The following ARID5B variants were observed in gnomAD, a reference collection of about 807,000 sequenced individuals.
ARID5B encodes AT-rich interactive domain-containing protein 5B.
A neutral mutation model predicts 97.2 loss-of-function variants in ARID5B; 13 were observed. That is an observed-to-expected ratio of 0.13 (90% CI 0.09 to 0.21). The LOEUF is 0.21. Among genes scored for constraint, ARID5B ranks in the 10% least tolerant of loss-of-function variants. ARID5B has a pLI of 1.00. For missense variants in ARID5B, 1,210 were observed against 1,465.3 expected (o/e 0.83, Z 2.84); for synonymous variants, 556 against 570.3 (o/e 0.97, Z 0.36).
chr10:62,020,825 A>G (rs1839345965), intron 4 of ARID5B, among the ~76,000 whole-genome samples: 1 of 151,950 alleles, frequency 6.6e-6, no homozygotes, highest in South Asian at 2.1e-4. Context: ...TATAAAGGAG[A>G]TAAAAAGTGT....
At chr10:62,033,893 G>T (rs1008460752) in intron 4 of ARID5B, among the ~76,000 whole-genome samples, 1 of 152,198 alleles carries the variant, frequency 6.6e-6, no homozygotes. Context: ...GTTGCCTTAT[G>T]TATAAAGTGA....
intron 3 of ARID5B, among the ~76,000 whole-genome samples, chr10:61,973,103 A>G (rs1448704598): frequency 6.6e-6 from 1 of 152,214 alleles, no homozygotes; most frequent in East Asian, 1.9e-4. Context: ...TCTACCTATG[A>G]GAACCATCCA....
chr10:62,014,417 C>T (rs1564627848), intron 4 of ARID5B, among the ~76,000 whole-genome samples: 1 of 152,026 alleles, frequency 6.6e-6, no homozygotes, highest in Non-Finnish European at 1.5e-5. Flanking sequence ...CAGGAGGCAG[C>T]GTGTGGTAAG....
chr10:61,940,934 TA>T, intron 3 of ARID5B, among the ~76,000 whole-genome samples: 1 of 4,056 alleles, frequency 2.5e-4, no homozygotes, highest in Non-Finnish European at 9.5e-4. Flanking sequence ...TATATATATA[TA>T]TATATATATA....
rs543916491 is a variant in ARID5B, at chr10:62,039,230, C to T, written c.734-11658C>T. On this transcript the variant is annotated intron_variant, in intron 4 of 9. Transcript: ENST00000279873. ...CATACCAGAGGTGTGCAGATTGCTT[C>T]GTGGTACATAGGTTGAAACCGCCCA... is the stretch of plus-strand genomic sequence containing the variant. 3.9e-5 allele frequency among the ~76,000 whole-genome samples: 6 copies of T among 152,236 alleles called. No individual in the cohort carries two copies. In the East Asian group the frequency reaches 7.7e-4, roughly 20 times the overall value.
chr10:61,999,120 G>C (rs1338983447), intron 3 of ARID5B, among the ~76,000 whole-genome samples: 3 of 152,164 alleles, frequency 2.0e-5, no homozygotes, highest in African/African-American at 7.2e-5. Flanking sequence ...TGGCCTCCAA[G>C]AGAGTGAGGC....
In ARID5B at chr10:61,958,389, C is replaced by T. The variant is rs576632395; in HGVS notation, c.502+17981C>T. On this transcript the variant is annotated intron_variant, in intron 3 of 9. Coordinates refer to ENST00000279873, the MANE Select transcript of ARID5B (RefSeq NM_032199.3). Reference sequence around the variant, plus strand: ...GATTACAGGTGCCCGCCACCGCGCCCGGCTAATTTTTGTATTTTTAGTAGA... The same window carrying T: ...GATTACAGGTGCCCGCCACCGCGCCTGGCTAATTTTTGTATTTTTAGTAGA... 5.9e-5 allele frequency among the ~76,000 whole-genome samples: 9 copies of T among 152,218 alleles called. No homozygotes were observed. In the South Asian group the frequency reaches 8.3e-4, roughly 14 times the overall value.
At chr10:61,912,367 A>G (rs1843820367) in intron 2 of ARID5B, among the ~76,000 whole-genome samples, 1 of 151,884 alleles carries the variant, frequency 6.6e-6, no homozygotes, top group African/African-American at 2.4e-5. Flanking sequence ...TATAGTGACT[A>G]TAGTTAATAG....
chr10:61,970,848 G>T (rs111518197), intron 3 of ARID5B, among the ~76,000 whole-genome samples: 1 of 152,162 alleles, frequency 6.6e-6, no homozygotes, highest in African/African-American at 2.4e-5. Context: ...GAAGAAGGTA[G>T]AACTTATTTT....
At chr10:61,936,541 C>A (rs1465879856) in intron 2 of ARID5B, among the ~76,000 whole-genome samples, 2 of 152,192 alleles carry the variant, frequency 1.3e-5, no homozygotes, top group African/African-American at 2.4e-5. Context: ...TCGCTTGAAC[C>A]TGAGAGGCAG....
intron 4 of ARID5B, among the ~76,000 whole-genome samples, chr10:62,006,161 G>A (rs998427136): frequency 1.7e-4 from 26 of 152,206 alleles, no homozygotes; most frequent in Non-Finnish European, 2.4e-4. Flanking sequence ...GTCTAACCAG[G>A]CTGGGCGTGG....
Position 62,000,399 on chromosome 10 carries a change from G to C in ARID5B, c.733+78G>C, listed in dbSNP as rs1839060986. Reference sequence around the variant, plus strand: ...GTTTTCAGTTCTTCTGAAGAGCGGTGATGGGGAACGGGGCTCACTTTCACA... The same window carrying C: ...GTTTTCAGTTCTTCTGAAGAGCGGTCATGGGGAACGGGGCTCACTTTCACA... On this transcript the variant is annotated intron_variant, in intron 4 of 9. Transcript: ENST00000279873. This position sits in a 1 kb window ranked among gnomAD's most constrained non-coding sequence, Gnocchi z 4.4. 1.5e-6 allele frequency: 2 copies of C among 1,332,080 alleles called. No homozygotes were observed. The allele number at this position is 1,332,080 out of a possible 1,614,324, so 82.5% of individuals were successfully genotyped here. A position where few individuals can be genotyped will look rare whatever the true frequency, so the allele number is the denominator to read the frequency against.
intron 2 of ARID5B, among the ~76,000 whole-genome samples, chr10:61,911,534 A>G (rs1363158607): frequency 6.6e-6 from 1 of 152,224 alleles, no homozygotes; most frequent in African/African-American, 2.4e-5. Flanking sequence ...ACATAATTGA[A>G]ATGTTTTTGA....
intron 4 of ARID5B, among the ~76,000 whole-genome samples, chr10:62,041,409 A>G (rs1287943480): frequency 6.6e-6 from 1 of 152,194 alleles, no homozygotes; most frequent in Non-Finnish European, 1.5e-5. Context: ...AGACAACCAA[A>G]AATAGTCATC....
chr10:62,042,872 G>A (rs572649428), intron 4 of ARID5B, among the ~76,000 whole-genome samples: 43 of 148,386 alleles, frequency 2.9e-4, no homozygotes, highest in African/African-American at 8.1e-4. Flanking sequence ...CCAAGATCGC[G>A]TCACTGCATT....
intron 2 of ARID5B, among the ~76,000 whole-genome samples, chr10:61,908,055 T>C (rs1843734854): frequency 1.3e-5 from 2 of 152,216 alleles, no homozygotes; most frequent in African/African-American, 4.8e-5. Flanking sequence ...TTCAATATTA[T>C]ATCATTAACG....
At chr10:62,021,908 G>C (rs891826715) in intron 4 of ARID5B, among the ~76,000 whole-genome samples, 2 of 152,190 alleles carry the variant, frequency 1.3e-5, no homozygotes, top group African/African-American at 4.8e-5. Flanking sequence ...ACACAACATG[G>C]AAAGGAGTCA....
rs184293190 is a variant in ARID5B at position 61,994,501 on chromosome 10, A to G, written c.503-5590A>G. The stretch of plus-strand genomic sequence containing the variant: ...TAGCATTATGGATATTTGAAAGTCA[A>G]TGCTCCATTAATTCATTGTGTTTGC... On this transcript the variant is annotated intron_variant, in intron 3 of 9. Coordinates refer to ENST00000279873, the MANE Select transcript of ARID5B (RefSeq NM_032199.3). 3.6e-3 allele frequency among the ~76,000 whole-genome samples: 552 copies of G among 152,314 alleles called. 5 individuals carry two copies. Among genetic ancestry groups the G allele is most frequent in the Middle Eastern group, 0.014 (4 of 294 alleles).
intron 7 of ARID5B, among the ~76,000 whole-genome samples, chr10:62,060,645 G>A (rs546394127): frequency 2.6e-5 from 4 of 152,060 alleles, no homozygotes; most frequent in Admixed American, 6.5e-5. Context: ...CCTCATTCAT[G>A]TAAAAAAAAA....
Sources: allele counts gnomAD v4.1 joint callset (sites outside exome capture counted in the v4.1 genomes callset), GRCh38; gene constraint gnomAD v4.1.1; non-coding constraint Gnocchi (gnomAD v3.1); transcripts MANE v1.5; gene names NCBI Gene and HGNC (gene_info 2026-07-23, HGNC 2026-07-21).